Variants in ADAM29 observed in about 807,000 individuals in gnomAD.
ADAM29 encodes the protein ADAM metallopeptidase domain 29, also known as disintegrin and metalloproteinase domain-containing protein 29.
For synonymous variants in ADAM29, 367 were observed against 342.3 expected (o/e 1.07, Z -0.80); for missense variants, 969 against 1,001.8 (o/e 0.97, Z 0.44).
intron 4 of ADAM29, among the ~76,000 whole-genome samples, chr4:174,946,508 T>C (rs1744859038): frequency 6.6e-6 from 1 of 152,116 alleles, no homozygotes; most frequent in South Asian, 2.1e-4. Context: ...GCCTGATTGC[T>C]CTAGCTAGGA....
intron 4 of ADAM29, among the ~76,000 whole-genome samples, chr4:174,938,076 T>G (rs1165124024): frequency 6.6e-6 from 1 of 152,112 alleles, no homozygotes; most frequent in African/African-American, 2.4e-5. Context: ...CGACTAGCTA[T>G]ATCTGAAAAG....
intron 4 of ADAM29, among the ~76,000 whole-genome samples, chr4:174,940,555 A>C (rs963478436): frequency 2.0e-5 from 3 of 151,654 alleles, no homozygotes; most frequent in African/African-American, 7.3e-5. Flanking sequence ...GATTTCTTTG[A>C]AGCCTCTCTG....
rs112940423 is a variant in ADAM29 at position 174,975,696 on chromosome 4, C to T, written c.171C>T (p.Pro57=). ...TPPGWLSYIL[P]FGGQKHIIHI... is the part of the protein sequence containing the mutation. ...CAGGCTGGCTCTCCTATATCCTGCC[C>T]TTTGGAGGCCAGAAACACATTATCC... The change falls in exon 5 of 5, where the codon CCC becomes CCT. Residue 57 remains proline, a synonymous_variant. Coordinates refer to ENST00000359240, the MANE Select transcript of ADAM29 (RefSeq NM_014269.4). 17 of 1,611,532 alleles carry T rather than the reference C, an allele frequency of 1.1e-5. No homozygotes were observed. The highest frequency in any genetic ancestry group is 9.3e-5 in the African/African-American group (7 of 74,936).
chr4:174,938,258 G>T (rs1313616690), intron 4 of ADAM29, among the ~76,000 whole-genome samples: 1 of 152,058 alleles, frequency 6.6e-6, no homozygotes, highest in East Asian at 1.9e-4. Context: ...TAGGTAGCAT[G>T]AATTATGTGG....
chr4:174,962,383 G>A (rs550573090), intron 4 of ADAM29, among the ~76,000 whole-genome samples: 1 of 152,028 alleles, frequency 6.6e-6, no homozygotes, highest in South Asian at 2.1e-4. Flanking sequence ...GTGGTGGGGG[G>A]CGCCTGTAGT....
At position 174,978,158 on chromosome 4, in the gene ADAM29, C is replaced by A; in HGVS notation, c.*170C>A. ...CCAAAAACTGTATCCAGAAAAGGTA[C>A]ATTAAAAAAATAATTCCTAGTATGT... On this transcript the variant is annotated 3_prime_UTR_variant, in exon 5 of 5. Transcript: ENST00000359240. 1 of 1,099,280 alleles carries A rather than the reference C, an allele frequency of 9.1e-7. No homozygotes were observed. Among genetic ancestry groups the A allele is most frequent in the Non-Finnish European group, 1.3e-6 (1 of 763,430 alleles). 68.1% of individuals were successfully genotyped at this position (1,099,280 alleles called of 1,614,324 possible).
intron 4 of ADAM29, among the ~76,000 whole-genome samples, chr4:174,952,728 T>C (rs1045865615): frequency 8.1e-6 from 1 of 124,086 alleles, no homozygotes; most frequent in Non-Finnish European, 1.7e-5. Flanking sequence ...CTAGTGTGAA[T>C]GGGAAATAAA....
chr4:174,927,736 C>T (rs371588631), intron 2 of ADAM29, among the ~76,000 whole-genome samples: 3 of 152,088 alleles, frequency 2.0e-5, no homozygotes, highest in East Asian at 3.9e-4. Flanking sequence ...CCTGTTATGG[C>T]GAGGTCCCTC....
At chr4:174,970,236 C>G (rs530105896) in intron 4 of ADAM29, among the ~76,000 whole-genome samples, 1 of 151,992 alleles carries the variant, frequency 6.6e-6, no homozygotes, top group Non-Finnish European at 1.5e-5. Flanking sequence ...TCCCTGAAAC[C>G]GACAAAGATT....
chr4:174,969,668 T>C (rs1746364259), intron 4 of ADAM29, among the ~76,000 whole-genome samples: 1 of 152,048 alleles, frequency 6.6e-6, no homozygotes, highest in Non-Finnish European at 1.5e-5. Context: ...AAAATTAGGT[T>C]AGTTATTTTT....
chr4:174,940,945 T>A (rs553423579), intron 4 of ADAM29, among the ~76,000 whole-genome samples: 17 of 152,276 alleles, frequency 1.1e-4, no homozygotes, highest in Middle Eastern at 3.4e-3. Context: ...AATAAATGTA[T>A]GCCATTAGTT....
chr4:174,977,534 G>C lies in ADAM29; in HGVS notation c.2009G>C (p.Arg670Thr), dbSNP rs201220428. The C allele has an allele frequency of 4.1e-5, 66 of 1,614,008 alleles. No individual in the cohort carries two copies. In the East Asian group the frequency reaches 1.4e-3, roughly 35 times the overall value. The change falls in exon 5 of 5, where the codon AGA (arginine) becomes ACA (threonine). Residue 670 changes from arginine (R) to threonine (T), a missense_variant. Arg to Thr is a moderately conservative substitution (Grantham distance 71). Transcript: ENST00000359240. ...GTTGACAGTGGCCCACCCCCTAAGA[G>C]AAAGAAGAAAAAGAAGTTCTGTTAT... ...GSVDSGPPPK[R>T]KKKKKFCYLC...
Position 174,976,120 on chromosome 4 carries a change from A to G in ADAM29, c.595A>G (p.Ile199Val), listed in dbSNP as rs770924391. The change falls in exon 5 of 5, where the codon ATT becomes GTT. Residue 199 changes from isoleucine (I) to valine (V), a missense_variant. Transcript: ENST00000359240. ...SYVGWWIHFR[I>V]VEIVVVIDNY... ...TGTGGGCTGGTGGATCCATTTTAGG[A>G]TTGTTGAAATTGTAGTCGTCATTGA... is the stretch of plus-strand genomic sequence containing the variant. 1 of 1,613,018 alleles carries G rather than the reference A, an allele frequency of 6.2e-7. No individual in the cohort carries two copies. The highest frequency in any genetic ancestry group is 8.5e-7 in the Non-Finnish European group (1 of 1,179,878).
At chr4:174,928,638 A>G (rs568538050) in intron 2 of ADAM29, among the ~76,000 whole-genome samples, 1 of 151,956 alleles carries the variant, frequency 6.6e-6, no homozygotes, top group Non-Finnish European at 1.5e-5. Flanking sequence ...AGACTATTGC[A>G]ATAGGGGAGA....
intron 1 of ADAM29, among the ~76,000 whole-genome samples, chr4:174,919,476 G>C (rs1260126887): frequency 1.3e-5 from 2 of 152,154 alleles, no homozygotes; most frequent in South Asian, 4.1e-4. Context: ...GGCTTAACTA[G>C]GTCCTTTGTT....
intron 4 of ADAM29, among the ~76,000 whole-genome samples, chr4:174,960,510 T>C (rs1370736530): frequency 6.6e-6 from 1 of 152,178 alleles, no homozygotes; most frequent in Non-Finnish European, 1.5e-5. Flanking sequence ...GGGAGTTTTC[T>C]GTATTTTTTA....
intron 4 of ADAM29, among the ~76,000 whole-genome samples, chr4:174,950,157 T>A (rs1745086773): frequency 6.6e-6 from 1 of 152,170 alleles, no homozygotes; most frequent in South Asian, 2.1e-4. Context: ...AACCTCTTCT[T>A]TTCTTTACAT....
At chr4:174,937,309 A>G (rs149199514) in intron 4 of ADAM29, among the ~76,000 whole-genome samples, 124 of 152,158 alleles carry the variant, frequency 8.1e-4, no homozygotes, top group Middle Eastern at 3.4e-3. Context: ...TGATGTATTC[A>G]TTTATAAACA....
intron 3 of ADAM29, among the ~76,000 whole-genome samples, chr4:174,933,570 C>T (rs769534495): frequency 6.6e-5 from 10 of 152,074 alleles, no homozygotes; most frequent in African/African-American, 1.2e-4. Flanking sequence ...AATATTTCTT[C>T]GCCCAGGTAT....
Sources: gnomAD v4.1 joint callset for allele counts (sites outside exome capture counted in the v4.1 genomes callset) on GRCh38, gnomAD v4.1.1 for gene constraint, MANE v1.5 for transcripts, NCBI Gene and HGNC (gene_info 2026-07-23, HGNC 2026-07-21) for gene names.